Variants in CCSER1 observed in about 807,000 individuals in gnomAD.
The protein encoded by CCSER1 is serine-rich coiled-coil domain-containing protein 1.
CCSER1 carries 41 observed loss-of-function variants against 82.0 expected under a neutral mutation model. That is an observed-to-expected ratio of 0.50 (90% CI 0.39 to 0.65). The LOEUF (loss-of-function observed/expected upper bound fraction) is 0.65. Among genes scored for constraint, CCSER1 ranks in the 30% least tolerant of loss-of-function variants. The pLI, the probability that CCSER1 is intolerant of heterozygous loss-of-function variation, is 0.00. For synonymous variants in CCSER1, 414 were observed against 383.9 expected (o/e 1.08, Z -0.92); for missense variants, 1,119 against 1,064.2 (o/e 1.05, Z -0.72).
chr4:90,605,374 A>G (rs1784561215), intron 5 of CCSER1, among the ~76,000 whole-genome samples: 1 of 152,202 alleles, frequency 6.6e-6, no homozygotes, highest in Non-Finnish European at 1.5e-5. Context: ...TGTTTACAAG[A>G]TGTTATAAAT....
chr4:90,733,956 G>T (rs945014285), intron 7 of CCSER1, among the ~76,000 whole-genome samples: 1 of 152,012 alleles, frequency 6.6e-6, no homozygotes, highest in Non-Finnish European at 1.5e-5. Context: ...GTCAGGTAAT[G>T]TGATTCCTCC....
intron 7 of CCSER1, among the ~76,000 whole-genome samples, chr4:90,752,308 A>G (rs545145429): frequency 1.1e-3 from 169 of 152,210 alleles, no homozygotes; most frequent in African/African-American, 4.0e-3. Context: ...CTAATAGAAT[A>G]TATATAGTTC....
intron 9 of CCSER1, among the ~76,000 whole-genome samples, chr4:90,973,974 C>G (rs1043850708): frequency 4.6e-5 from 7 of 151,526 alleles, no homozygotes; most frequent in African/African-American, 1.7e-4. Context: ...AAGATAAATA[C>G]TGCATGATCT....
chr4:91,317,906 A>T lies in CCSER1; in HGVS notation c.2217+231912A>T, dbSNP rs567862683. 1.8e-3 allele frequency among the ~76,000 whole-genome samples: 269 copies of T among 152,066 alleles called. 5 individuals carry two copies. In the East Asian group the frequency reaches 0.029, roughly 17 times the overall value. On this transcript the variant is annotated intron_variant, in intron 10 of 10. Coordinates refer to ENST00000509176, the MANE Select transcript of CCSER1 (RefSeq NM_001145065.2). The stretch of plus-strand genomic sequence containing the variant: ...AGCTGCTAATGAAACCCTGGGTGAG[A>T]GCATCCAGTACACCCACTGTGCTTT...
rs539957421 is a variant in CCSER1 at position 90,789,013 on chromosome 4, C to T, written c.2011-26749C>T. The stretch of plus-strand genomic sequence containing the variant: ...AGCTTTTCTATCTAACACATACACA[C>T]ACACACACACACACCATCTCAATCT... On this transcript the variant is annotated intron_variant, in intron 7 of 10. Transcript: ENST00000509176. Among the ~76,000 whole-genome samples the T allele has an allele frequency of 3.3e-3, 496 of 152,158 alleles. 3 individuals carry two copies. Among genetic ancestry groups the T allele is most frequent in the Non-Finnish European group, 4.6e-3 (310 of 67,968 alleles).
chr4:90,474,569 A>T (rs1764813617), intron 5 of CCSER1, among the ~76,000 whole-genome samples: 1 of 152,176 alleles, frequency 6.6e-6, no homozygotes, highest in Admixed American at 6.5e-5. Flanking sequence ...TTTCACAGTG[A>T]AAGTTTGAAA....
chr4:90,448,251 T>C (rs1760936773), intron 4 of CCSER1, among the ~76,000 whole-genome samples: 1 of 151,768 alleles, frequency 6.6e-6, no homozygotes, highest in Admixed American at 6.6e-5. Flanking sequence ...ATAACAACCA[T>C]GATTTTATCT....
intron 6 of CCSER1, among the ~76,000 whole-genome samples, chr4:90,696,623 G>A (rs958502587): frequency 1.2e-4 from 18 of 152,078 alleles, no homozygotes; most frequent in Non-Finnish European, 2.1e-4. Flanking sequence ...ATATAGACAC[G>A]TAAACAAATA....
chr4:90,646,945 T>C (rs1453702307), intron 6 of CCSER1, among the ~76,000 whole-genome samples: 4 of 152,096 alleles, frequency 2.6e-5, no homozygotes, highest in Non-Finnish European at 5.9e-5. Flanking sequence ...TCTCTACAAA[T>C]ACCCTCATCC....
chr4:90,559,994 A>T (rs1778575058), intron 5 of CCSER1, among the ~76,000 whole-genome samples: 1 of 151,744 alleles, frequency 6.6e-6, no homozygotes. Flanking sequence ...ACAAAAACAA[A>T]AGGACTGACA....
intron 5 of CCSER1, among the ~76,000 whole-genome samples, chr4:90,518,608 T>C (rs1772612047): frequency 6.6e-6 from 1 of 151,984 alleles, no homozygotes; most frequent in South Asian, 2.1e-4. Flanking sequence ...ATACAGTGAC[T>C]ATAATAAGTT....
chr4:90,582,798 C>G (rs1781545781), intron 5 of CCSER1, among the ~76,000 whole-genome samples: 1 of 152,132 alleles, frequency 6.6e-6, no homozygotes. Context: ...CACTTTAAAA[C>G]ATCGAGAGTG....
chr4:91,083,951 G>T (rs1561534588), intron 9 of CCSER1, among the ~76,000 whole-genome samples: 1 of 152,090 alleles, frequency 6.6e-6, no homozygotes, highest in Non-Finnish European at 1.5e-5. Flanking sequence ...AAGATGTAAG[G>T]CCAATGTTTT....
At chr4:91,148,327 ATACCACGC>A (rs1560467561) in intron 10 of CCSER1, among the ~76,000 whole-genome samples, 1 of 152,148 alleles carries the variant, frequency 6.6e-6, no homozygotes, top group African/African-American at 2.4e-5. Flanking sequence ...CTCTTAAGAT[ATACCACGC>A]AGAGTTTTCG....
At chr4:90,224,569 G>T (rs1742775185) in intron 1 of CCSER1, among the ~76,000 whole-genome samples, 1 of 152,064 alleles carries the variant, frequency 6.6e-6, no homozygotes, top group African/African-American at 2.4e-5. Context: ...TTATTATAAA[G>T]AAATGATTAC....
intron 5 of CCSER1, among the ~76,000 whole-genome samples, chr4:90,510,873 T>G (rs1771397634): frequency 6.6e-6 from 1 of 152,182 alleles, no homozygotes; most frequent in Non-Finnish European, 1.5e-5. Flanking sequence ...AGCAGGGTCC[T>G]GGCCCAGACC....
At chr4:90,148,887 C>T (rs1173100542) in intron 1 of CCSER1, among the ~76,000 whole-genome samples, 1 of 152,124 alleles carries the variant, frequency 6.6e-6, no homozygotes, top group Non-Finnish European at 1.5e-5. Context: ...CATTGGAATA[C>T]TGTCTTTTAA....
At chr4:91,356,973 TAACCTGCC>T (rs113532653) in intron 10 of CCSER1, among the ~76,000 whole-genome samples, 2,991 of 152,210 alleles carry the variant, frequency 0.02, 88 homozygotes, top group African/African-American at 0.066. Context: ...TCAGGGTCTC[TAACCTGCC>T]AACCTGCCAT....
intron 9 of CCSER1, among the ~76,000 whole-genome samples, chr4:91,079,274 A>G (rs150187024): frequency 0.011 from 1,672 of 152,322 alleles, 28 homozygotes; most frequent in African/African-American, 0.037. Flanking sequence ...AATATTCAAC[A>G]TTCTTAAAGA....
Sources: allele counts gnomAD v4.1 joint callset (sites outside exome capture counted in the v4.1 genomes callset), GRCh38; gene constraint gnomAD v4.1.1; transcripts MANE v1.5; gene names NCBI Gene and HGNC (gene_info 2026-07-23, HGNC 2026-07-21).